Variants in SPMAP2L observed in about 807,000 individuals in gnomAD.
SPMAP2L encodes the protein sperm microtubule associated protein 2-like.
chr4:56,592,753 G>A, the SPMAP2L span, among the ~76,000 whole-genome samples: 1 of 152,032 alleles, frequency 6.6e-6, no homozygotes, highest in Admixed American at 6.6e-5. Flanking sequence ...GCTGGGCGCC[G>A]TGGGGCCGGG....
At chr4:56,569,922 T>C in the SPMAP2L span, among the ~76,000 whole-genome samples, 2 of 152,228 alleles carry the variant, frequency 1.3e-5, no homozygotes, top group Non-Finnish European at 2.9e-5. Flanking sequence ...TTTAAAAATA[T>C]TACCATTTGT....
At chr4:56,619,583 G>A in the SPMAP2L span, among the ~76,000 whole-genome samples, 2 of 152,172 alleles carry the variant, frequency 1.3e-5, no homozygotes, top group African/African-American at 4.8e-5. Flanking sequence ...TCTTTGTTAA[G>A]GCTGAAGGAT....
At chr4:56,574,210 A>G in the SPMAP2L span, among the ~76,000 whole-genome samples, 1 of 152,100 alleles carries the variant, frequency 6.6e-6, no homozygotes, top group Non-Finnish European at 1.5e-5. Flanking sequence ...ACTTGAGCAT[A>G]GGCATTCGAG....
the SPMAP2L span, among the ~76,000 whole-genome samples, chr4:56,544,953 A>G: frequency 6.6e-6 from 1 of 152,152 alleles, no homozygotes; most frequent in Non-Finnish European, 1.5e-5. Context: ...GGTGGCCAGC[A>G]CGCCCGGGGC....
the SPMAP2L span, among the ~76,000 whole-genome samples, chr4:56,577,146 T>G: frequency 6.7e-6 from 1 of 150,368 alleles, no homozygotes; most frequent in Non-Finnish European, 1.5e-5. Flanking sequence ...GGCTCACGCC[T>G]GTAATCCCAG....
At chr4:56,608,467 A>T in the SPMAP2L span, among the ~76,000 whole-genome samples, 1 of 152,138 alleles carries the variant, frequency 6.6e-6, no homozygotes, top group African/African-American at 2.4e-5. Flanking sequence ...TATTTTGGAG[A>T]TCTTCAAGGC....
At chr4:56,530,820 G>T in the SPMAP2L span, 1 of 1,535,390 alleles carries the variant, frequency 6.5e-7, no homozygotes. Context: ...AGCTTGAGGA[G>T]TCCGAGGATC....
At chr4:56,547,238 T>A in the SPMAP2L span, among the ~76,000 whole-genome samples, 1 of 92,616 alleles carries the variant, frequency 1.1e-5, no homozygotes, top group African/African-American at 4.3e-5. Context: ...TTATTACTAA[T>A]TCTCTTTTTT....
At chr4:56,587,408 C>T in the SPMAP2L span, among the ~76,000 whole-genome samples, 3 of 151,864 alleles carry the variant, frequency 2.0e-5, no homozygotes, top group Non-Finnish European at 4.4e-5. Context: ...GATTTTGGTG[C>T]ACCCATCACC....
the SPMAP2L span, among the ~76,000 whole-genome samples, chr4:56,574,602 A>T: frequency 2.0e-5 from 3 of 152,346 alleles, no homozygotes; most frequent in Admixed American, 2.0e-4. Flanking sequence ...TAGTAAAAAA[A>T]TTTATTTATA....
the SPMAP2L span, among the ~76,000 whole-genome samples, chr4:56,558,622 GTA>G: frequency 0.017 from 2,631 of 152,078 alleles, 80 homozygotes; most frequent in African/African-American, 0.06. Context: ...TGCAAACCCA[GTA>G]TATATATACA....
the SPMAP2L span, among the ~76,000 whole-genome samples, chr4:56,571,108 C>T: frequency 1.6e-3 from 236 of 148,096 alleles, 1 homozygote; most frequent in African/African-American, 5.8e-3. Context: ...CTGGCCTTTA[C>T]TTTATAAGCT....
the SPMAP2L span, among the ~76,000 whole-genome samples, chr4:56,625,732 A>T: frequency 2.0e-5 from 3 of 152,168 alleles, no homozygotes; most frequent in Admixed American, 2.0e-4. Context: ...GTGGAAATGT[A>T]AGTCAAATTA....
the SPMAP2L span, chr4:56,575,771 A>AAAAATC: frequency 9.2e-6 from 8 of 868,528 alleles, no homozygotes; most frequent in South Asian, 1.7e-4. Context: ...GCATCAGGTA[A>AAAAATC]AAAATCAAAT....
chr4:56,609,943 G>A, the SPMAP2L span, among the ~76,000 whole-genome samples: 1 of 152,148 alleles, frequency 6.6e-6, no homozygotes, highest in Non-Finnish European at 1.5e-5. Context: ...TAGGCTGAGA[G>A]AGATAGTGAG....
At chr4:56,552,612 C>G in the SPMAP2L span, 1 of 1,503,390 alleles carries the variant, frequency 6.7e-7, no homozygotes, top group Non-Finnish European at 8.9e-7. Context: ...GAACTCCAGA[C>G]AGGTAAGGCA....
At chr4:56,572,410 G>A in the SPMAP2L span, among the ~76,000 whole-genome samples, 1 of 152,204 alleles carries the variant, frequency 6.6e-6, no homozygotes, top group Non-Finnish European at 1.5e-5. Flanking sequence ...GTGCTTGACT[G>A]TATTTTACAT....
chr4:56,584,377 A>G, the SPMAP2L span: 1 of 651,454 alleles, frequency 1.5e-6, no homozygotes, highest in Non-Finnish European at 2.6e-6. Context: ...TGTGGGATAG[A>G]TGTTCCTAAG....
At chr4:56,591,455 T>C in the SPMAP2L span, among the ~76,000 whole-genome samples, 6 of 152,298 alleles carry the variant, frequency 3.9e-5, no homozygotes, top group South Asian at 1.2e-3. Context: ...TCAGTGTTAG[T>C]ATCATCATCA....
Sources: gnomAD v4.1 joint callset for allele counts (sites outside exome capture counted in the v4.1 genomes callset) on GRCh38, gnomAD v4.1.1 for gene constraint, MANE v1.5 for transcripts, NCBI Gene and HGNC (gene_info 2026-07-23, HGNC 2026-07-21) for gene names.